Variants in ESRRG observed in about 807,000 individuals in gnomAD.
ESRRG encodes the protein estrogen related receptor gamma.
ESRRG carries 13 observed loss-of-function variants against 44.0 expected under a neutral mutation model. The observed-to-expected ratio is 0.30, with a 90% CI of 0.19 to 0.47. The LOEUF is 0.47. Ranked by LOEUF, ESRRG falls within the 20% of genes least tolerant of loss-of-function variation. The probability of loss-of-function intolerance (pLI) is 1.00; values close to 1 mark genes in which losing one functional copy is unlikely to be tolerated. For missense variants in ESRRG, 395 were observed against 580.6 expected, an observed-to-expected ratio of 0.68 and a Z score of 3.29; for synonymous variants, 215 against 214.6, an observed-to-expected ratio of 1.00 and a Z score of -0.02.
Position 216,927,652 on chromosome 1 carries a change from A to G in ESRRG, c.-14+11930T>C, listed in dbSNP as rs193117831. 4.6e-3 allele frequency among the ~76,000 whole-genome samples: 700 copies of G among 152,342 alleles called. 16 individuals are homozygous for G. Among genetic ancestry groups the G allele is most frequent in the Admixed American group, 0.035 (529 of 15,304 alleles). On this transcript the variant is annotated intron_variant, in intron 2 of 7. Transcript: ENST00000359162. ...GCTGAGAGGTTGAGCTTGATGGCTA[A>G]GGCACGCCATAGGCCCCTCTCTGCA...
chr1:216,899,126 G>A (rs1052682916), intron 2 of ESRRG, among the ~76,000 whole-genome samples: 11 of 152,136 alleles, frequency 7.2e-5, no homozygotes, highest in African/African-American at 2.7e-4. Context: ...AAACATTTGG[G>A]CTGTTCTCAG....
chr1:216,714,564 C>A (rs1559371226), intron 1 of ESRRG: 2 of 982,028 alleles, frequency 2.0e-6, no homozygotes, highest in South Asian at 4.7e-5. Context: ...CATATGGTGA[C>A]CACATTCTCA....
intron 3 of ESRRG, among the ~76,000 whole-genome samples, chr1:216,591,837 C>A (rs2057718123): frequency 6.6e-6 from 1 of 152,114 alleles, no homozygotes; most frequent in Non-Finnish European, 1.5e-5. Context: ...CATCGGTCTA[C>A]CTTGACATAA....
At chr1:216,860,721 C>T (rs560101048) in intron 2 of ESRRG, among the ~76,000 whole-genome samples, 1 of 151,952 alleles carries the variant, frequency 6.6e-6, no homozygotes, top group Non-Finnish European at 1.5e-5. Context: ...AGCAAAACTG[C>T]AATACAAAAA....
At chr1:216,822,875 A>G (rs928390693) in intron 2 of ESRRG, among the ~76,000 whole-genome samples, 4 of 152,224 alleles carry the variant, frequency 2.6e-5, no homozygotes, top group African/African-American at 9.6e-5. Context: ...GCTTATCTTC[A>G]TTTAGATTCC....
At chr1:217,053,279 A>AC (rs1338691175) in intron 1 of ESRRG, among the ~76,000 whole-genome samples, 2 of 151,818 alleles carry the variant, frequency 1.3e-5, no homozygotes, top group African/African-American at 4.8e-5. Flanking sequence ...ACATGGTGAA[A>AC]CCCCGTTTCT....
chr1:216,573,223 T>C (rs769069415), intron 3 of ESRRG, among the ~76,000 whole-genome samples: 3 of 151,962 alleles, frequency 2.0e-5, no homozygotes, highest in Non-Finnish European at 2.9e-5. Flanking sequence ...AATAACATAA[T>C]ACTTTATCTT....
chr1:216,584,129 C>T (rs2063306077), intron 3 of ESRRG, among the ~76,000 whole-genome samples: 2 of 152,036 alleles, frequency 1.3e-5, no homozygotes, highest in Admixed American at 6.6e-5. Context: ...CCTTTCCTTC[C>T]CCACTTTGGC....
intron 1 of ESRRG, among the ~76,000 whole-genome samples, chr1:217,079,687 T>C (rs1254562733): frequency 6.6e-6 from 1 of 152,176 alleles, no homozygotes; most frequent in East Asian, 1.9e-4. Context: ...CCATACACAA[T>C]TTTTTGTGAA....
chr1:216,882,663 A>G (rs1368621635), intron 2 of ESRRG, among the ~76,000 whole-genome samples: 1 of 152,222 alleles, frequency 6.6e-6, no homozygotes, highest in Non-Finnish European at 1.5e-5. Context: ...TGGAAATAAT[A>G]AACTTAATAT....
chr1:216,643,298 T>C (rs987530400), intron 3 of ESRRG, among the ~76,000 whole-genome samples: 1 of 152,168 alleles, frequency 6.6e-6, no homozygotes. Context: ...ACAGAAAATA[T>C]ACTCCATGGA....
At chr1:217,104,317 G>C (rs1359287739) in intron 1 of ESRRG, among the ~76,000 whole-genome samples, 1 of 152,168 alleles carries the variant, frequency 6.6e-6, no homozygotes, top group African/African-American at 2.4e-5. Context: ...GGAAGCTACT[G>C]TTTAAAACAT....
chr1:216,837,763 G>A (rs1409770697), intron 2 of ESRRG, among the ~76,000 whole-genome samples: 2 of 152,194 alleles, frequency 1.3e-5, no homozygotes, highest in Non-Finnish European at 2.9e-5. Context: ...GACCTGTGGG[G>A]AGCTGTCTTT....
intron 2 of ESRRG, among the ~76,000 whole-genome samples, chr1:216,789,099 T>C (rs1275359882): frequency 3.3e-5 from 5 of 152,186 alleles, no homozygotes; most frequent in Admixed American, 3.3e-4. Flanking sequence ...TCCATAAACT[T>C]AGATGATAAA....
At chr1:216,991,608 G>A (rs568011073) in intron 1 of ESRRG, among the ~76,000 whole-genome samples, 995 of 96,676 alleles carry the variant, frequency 0.01, 10 homozygotes, top group African/African-American at 0.029. Context: ...GCATGGGATG[G>A]GATGGGATAG....
At chr1:216,661,554 C>A (rs1009871956) in intron 2 of ESRRG, among the ~76,000 whole-genome samples, 1 of 152,104 alleles carries the variant, frequency 6.6e-6, no homozygotes, top group Non-Finnish European at 1.5e-5. Context: ...TTTTGCAGAC[C>A]GGTACAAGTC....
chr1:216,576,034 A>G lies in ESRRG; in HGVS notation c.590-7936T>C, dbSNP rs187852040. ...CCTCTTTTTTTCCACTGAGGCAGAG[A>G]CTGAGGGATATTAATTTCCCTGCTC... On this transcript the variant is annotated intron_variant, in intron 3 of 6. Transcript: ENST00000408911. 6.6e-5 allele frequency among the ~76,000 whole-genome samples: 10 copies of G among 152,128 alleles called. No individual in the cohort carries two copies. In the South Asian group the frequency reaches 1.0e-3, roughly 16 times the overall value.
At position 216,504,188 on chromosome 1, in the gene ESRRG, T is replaced by G. The variant is rs955358955; in HGVS notation, c.*2751A>C. The G allele has an allele frequency of 6.6e-6, 1 of 152,140 alleles. No individual in the cohort carries two copies. Among genetic ancestry groups the G allele is most frequent in the African/African-American group, 2.4e-5 (1 of 41,438 alleles). 9.4% of individuals were successfully genotyped at this position (152,140 alleles called of 1,614,324 possible). A position where few individuals can be genotyped will look rare whatever the true frequency, so the allele number is the denominator to read the frequency against. ...CTTTAATGTGATACAGTGAAAACAA[T>G]GTATATATTGTATATATTTTATTTA... On this transcript the variant is annotated 3_prime_UTR_variant, in exon 7 of 7. Transcript: ENST00000408911.
chr1:216,647,932 A>C (rs1056834031), intron 3 of ESRRG, among the ~76,000 whole-genome samples: 7 of 152,178 alleles, frequency 4.6e-5, no homozygotes, highest in Admixed American at 3.9e-4. Flanking sequence ...TTTTGTTTAA[A>C]TAGATTTTGT....
Sources: allele counts gnomAD v4.1 joint callset (sites outside exome capture counted in the v4.1 genomes callset), GRCh38; gene constraint gnomAD v4.1.1; transcripts MANE v1.5; gene names NCBI Gene and HGNC (gene_info 2026-07-23, HGNC 2026-07-21).